Variants in SGCD observed in about 807,000 individuals in gnomAD.
SGCD encodes the protein delta-sarcoglycan.
Under a neutral mutation model 36.6 loss-of-function variants are expected in SGCD, and 18 were observed. That is an observed-to-expected ratio of 0.49 (90% CI 0.34 to 0.73). The LOEUF (loss-of-function observed/expected upper bound fraction) is 0.73, where lower values mean the gene tolerates loss of function less well. Among genes scored for constraint, SGCD ranks in the 30% least tolerant of loss-of-function variants. The pLI, the probability that SGCD is intolerant of heterozygous loss-of-function variation, is 0.01. For missense variants in SGCD, 387 were observed against 346.7 expected (o/e 1.12, Z -0.92); for synonymous variants, 133 against 130.6 (o/e 1.02, Z -0.12).
intron 6 of SGCD, among the ~76,000 whole-genome samples, chr5:156,626,429 G>A (rs1050728682): frequency 2.0e-5 from 3 of 152,202 alleles, no homozygotes; most frequent in African/African-American, 7.2e-5. Flanking sequence ...TGGTCACAAA[G>A]TATTGACAGA....
chr5:155,982,612 T>C (rs916750276), intron 1 of SGCD, among the ~76,000 whole-genome samples: 1 of 152,126 alleles, frequency 6.6e-6, no homozygotes, highest in African/African-American at 2.4e-5. Flanking sequence ...GCCTGCTCTG[T>C]CATTTTATGT....
intron 1 of SGCD, among the ~76,000 whole-genome samples, chr5:156,000,432 A>G (rs979112964): frequency 6.6e-6 from 1 of 152,206 alleles, no homozygotes. Context: ...AGAAGGGCTG[A>G]GCAGAGGGCT....
In SGCD at chr5:156,252,894, A is replaced by G. The variant is rs796372965; in HGVS notation, c.-43-76640A>G. ...GCAAGTCCAAGGGTCCCAGTTAGAA[A>G]CTGACACACAGTGCTTCCTTATGAG... is the stretch of plus-strand genomic sequence containing the variant. On this transcript the variant is annotated intron_variant, in intron 3 of 9. Transcript: ENST00000517913. 2.0e-5 allele frequency among the ~76,000 whole-genome samples: 3 copies of G among 152,294 alleles called. 1 individual carries two copies. The highest frequency in any genetic ancestry group is 7.2e-5 in the African/African-American group (3 of 41,580).
intron 3 of SGCD, among the ~76,000 whole-genome samples, chr5:156,406,816 A>ATATG (rs1772449068): frequency 8.5e-6 from 1 of 117,002 alleles, no homozygotes; most frequent in Non-Finnish European, 1.7e-5. Flanking sequence ...ATATATATAT[A>ATATG]TATACACACA....
chr5:155,845,937 C>G, the SGCD span, among the ~76,000 whole-genome samples: 1 of 152,116 alleles, frequency 6.6e-6, no homozygotes, highest in African/African-American at 2.4e-5. Context: ...GGGCCATTTG[C>G]CCATGTACTT....
intron 6 of SGCD, among the ~76,000 whole-genome samples, chr5:156,616,823 C>G (rs1392408460): frequency 6.6e-6 from 1 of 152,168 alleles, no homozygotes; most frequent in Non-Finnish European, 1.5e-5. Context: ...AAACCACTGC[C>G]TAGTTTTGTA....
intron 7 of SGCD, among the ~76,000 whole-genome samples, chr5:156,737,561 T>A (rs751495550): frequency 1.1e-4 from 16 of 152,298 alleles, no homozygotes; most frequent in Non-Finnish European, 2.2e-4. Flanking sequence ...CCTAGAGCTA[T>A]GTGGATCACC....
chr5:155,749,095 C>A, the SGCD span, among the ~76,000 whole-genome samples: 1 of 152,156 alleles, frequency 6.6e-6, no homozygotes, highest in Non-Finnish European at 1.5e-5. Flanking sequence ...TAGTATAGAG[C>A]AATTAATGAT....
intron 4 of SGCD, among the ~76,000 whole-genome samples, chr5:156,510,142 C>A (rs1211072154): frequency 1.3e-5 from 2 of 152,146 alleles, no homozygotes; most frequent in Non-Finnish European, 2.9e-5. Flanking sequence ...AGAGAGGGAA[C>A]AAGGATGTTA....
chr5:155,770,447 A>G, the SGCD span, among the ~76,000 whole-genome samples: 1 of 152,126 alleles, frequency 6.6e-6, no homozygotes, highest in Non-Finnish European at 1.5e-5. Context: ...GGAGCAAGAA[A>G]ATGCTTAGCT....
At chr5:156,627,188 C>T (rs1762469745) in intron 6 of SGCD, among the ~76,000 whole-genome samples, 1 of 152,274 alleles carries the variant, frequency 6.6e-6, no homozygotes, top group South Asian at 2.1e-4. Context: ...ATTTAGTGAG[C>T]TTCTCTGTGA....
intron 3 of SGCD, among the ~76,000 whole-genome samples, chr5:156,415,088 G>A (rs1045613909): frequency 3.3e-5 from 5 of 151,964 alleles, no homozygotes; most frequent in African/African-American, 2.4e-5. Context: ...GGTGGCCAAG[G>A]TTTCAGTCTT....
chr5:156,068,320 T>A (rs1453885825), intron 1 of SGCD, among the ~76,000 whole-genome samples: 1 of 151,558 alleles, frequency 6.6e-6, no homozygotes, highest in East Asian at 2.0e-4. Context: ...CCCCTTCCTG[T>A]GTCCATGTGT....
chr5:156,185,515 C>T (rs528079245), intron 3 of SGCD, among the ~76,000 whole-genome samples: 10 of 152,030 alleles, frequency 6.6e-5, no homozygotes, highest in Non-Finnish European at 8.8e-5. Context: ...CGCCTGGCCT[C>T]TTTTAATTTT....
At chr5:156,441,032 T>C (rs1311096011) in intron 3 of SGCD, among the ~76,000 whole-genome samples, 1 of 152,170 alleles carries the variant, frequency 6.6e-6, no homozygotes, top group Non-Finnish European at 1.5e-5. Flanking sequence ...TACTGGCATT[T>C]CAATGGGACT....
chr5:156,745,067 T>C (rs1248535414), intron 7 of SGCD, among the ~76,000 whole-genome samples: 1 of 152,224 alleles, frequency 6.6e-6, no homozygotes, highest in African/African-American at 2.4e-5. Context: ...GCTTCAGTTT[T>C]CATGGCCTCC....
At chr5:156,470,253 C>T (rs1035988021) in intron 3 of SGCD, among the ~76,000 whole-genome samples, 4 of 152,010 alleles carry the variant, frequency 2.6e-5, no homozygotes, top group East Asian at 1.9e-4. Flanking sequence ...TGGGATATTA[C>T]GTGAGAAGAT....
chr5:156,581,196 C>T (rs1760241186), intron 4 of SGCD, among the ~76,000 whole-genome samples: 1 of 152,222 alleles, frequency 6.6e-6, no homozygotes, highest in South Asian at 2.1e-4. Context: ...GAGGTCCACT[C>T]CAGACCCTGT....
At chr5:156,533,110 T>C (rs540282608) in intron 4 of SGCD, among the ~76,000 whole-genome samples, 17 of 152,294 alleles carry the variant, frequency 1.1e-4, no homozygotes, top group African/African-American at 4.1e-4. Context: ...GCAGGACGCT[T>C]GCCAGTTTCA....
Sources: gnomAD v4.1 joint callset for allele counts (sites outside exome capture counted in the v4.1 genomes callset) on GRCh38, gnomAD v4.1.1 for gene constraint, MANE v1.5 for transcripts, NCBI Gene and HGNC (gene_info 2026-07-23, HGNC 2026-07-21) for gene names.